CHSY3: variants seen among roughly 807,000 people sequenced by gnomAD.
CHSY3 encodes N-acetylgalactosaminyl-proteoglycan 3-beta-glucuronosyltransferase 3.
In CHSY3, 35 loss-of-function variants were observed where a neutral mutation model predicts 67.2. The observed-to-expected ratio is 0.52, with a 90% CI of 0.40 to 0.69. The LOEUF (loss-of-function observed/expected upper bound fraction) is 0.69. Ranked by LOEUF, CHSY3 falls within the 30% of genes least tolerant of loss-of-function variation. The pLI is 0.00. For synonymous variants in CHSY3, 474 were observed against 434.7 expected (o/e 1.09, Z -1.12); for missense variants, 1,069 against 1,138.5 (o/e 0.94, Z 0.88).
At chr5:130,013,183 C>A (rs1339615892) in intron 2 of CHSY3, among the ~76,000 whole-genome samples, 2 of 152,316 alleles carry the variant, frequency 1.3e-5, no homozygotes, top group South Asian at 4.1e-4. Context: ...AGACCTCCAC[C>A]TTTGTGGCTT....
intron 2 of CHSY3, among the ~76,000 whole-genome samples, chr5:130,051,833 A>T (rs1765366757): frequency 6.6e-6 from 1 of 152,070 alleles, no homozygotes; most frequent in South Asian, 2.1e-4. Context: ...TTAGAATTTG[A>T]GTTGCCAGAG....
chr5:129,939,667 CT>C (rs1191050395), intron 2 of CHSY3, among the ~76,000 whole-genome samples: 1 of 152,132 alleles, frequency 6.6e-6, no homozygotes, highest in African/African-American at 2.4e-5. Context: ...ATATAGTGAA[CT>C]TTATTTCAGT....
At chr5:130,143,734 G>GTATATATATATATATA (rs372062970) in intron 2 of CHSY3, among the ~76,000 whole-genome samples, 1 of 94,656 alleles carries the variant, frequency 1.1e-5, no homozygotes, top group Non-Finnish European at 2.0e-5. Flanking sequence ...GTGTGTGTGT[G>GTATATATATATATATA]TATATATATA....
intron 2 of CHSY3, among the ~76,000 whole-genome samples, chr5:129,975,397 T>A (rs1762777855): frequency 6.6e-6 from 1 of 152,134 alleles, no homozygotes; most frequent in Admixed American, 6.6e-5. Context: ...GACTTTCAAT[T>A]TCTGAAGGAA....
At position 129,905,252 on chromosome 5, in the gene CHSY3, G is replaced by C. The variant is rs1760218009; in HGVS notation, c.423G>C (p.Ala141=). Residue 141 remains alanine (A), a synonymous_variant, in exon 1 of 3, where the codon GCG becomes GCC. Coordinates refer to ENST00000305031, the MANE Select transcript of CHSY3 (RefSeq NM_175856.5). The stretch of plus-strand genomic sequence containing the variant: ...AGCCCGAGGAGGAGGACGGGGGCGC[G>C]GCTGGGCAGCGGAGAGACGGCCGGC... ...EGEPEEEDGG[A]AGQRRDGRPG... The C allele has an allele frequency of 6.9e-7, 1 of 1,458,004 alleles. No homozygotes were observed. 90.3% of individuals were successfully genotyped at this position (1,458,004 alleles called of 1,614,324 possible). A position where few individuals can be genotyped will look rare whatever the true frequency, so the allele number is the denominator to read the frequency against.
At chr5:130,157,945 C>G (rs981259438) in intron 2 of CHSY3, among the ~76,000 whole-genome samples, 1 of 152,090 alleles carries the variant, frequency 6.6e-6, no homozygotes, top group Non-Finnish European at 1.5e-5. Flanking sequence ...CTATAAATTG[C>G]CATGGCATCT....
intron 2 of CHSY3, among the ~76,000 whole-genome samples, chr5:130,047,254 C>T (rs1765181064): frequency 6.6e-6 from 1 of 151,924 alleles, no homozygotes; most frequent in Non-Finnish European, 1.5e-5. Context: ...CTCAGCTCAC[C>T]TTTTATCTGA....
chr5:129,945,696 TTCTCAC>T (rs1761832550), intron 2 of CHSY3, among the ~76,000 whole-genome samples: 1 of 152,144 alleles, frequency 6.6e-6, no homozygotes, highest in Non-Finnish European at 1.5e-5. Flanking sequence ...AATTGAGGAT[TTCTCAC>T]TTATTTTTTA....
chr5:130,014,402 C>T (rs1054431976), intron 2 of CHSY3, among the ~76,000 whole-genome samples: 4 of 152,194 alleles, frequency 2.6e-5, no homozygotes, highest in African/African-American at 9.7e-5. Flanking sequence ...AATTGACTCA[C>T]AGTTTCACAT....
chr5:129,977,351 A>T (rs1580605224), intron 2 of CHSY3, among the ~76,000 whole-genome samples: 5 of 152,334 alleles, frequency 3.3e-5, no homozygotes, highest in Admixed American at 3.3e-4. Flanking sequence ...TTTAAGAACA[A>T]TGCTTTATTT....
At chr5:129,910,813 C>A (rs1760512939) in intron 2 of CHSY3, among the ~76,000 whole-genome samples, 1 of 151,864 alleles carries the variant, frequency 6.6e-6, no homozygotes, top group African/African-American at 2.4e-5. Context: ...CTATTCTACT[C>A]CAGGTTGGCA....
At chr5:130,159,032 G>A (rs1186557062) in intron 2 of CHSY3, among the ~76,000 whole-genome samples, 2 of 152,010 alleles carry the variant, frequency 1.3e-5, no homozygotes, top group Admixed American at 6.6e-5. Flanking sequence ...ACTGCTGAGT[G>A]CAAGCGATCT....
At chr5:130,099,092 A>T (rs1767144719) in intron 2 of CHSY3, among the ~76,000 whole-genome samples, 1 of 152,250 alleles carries the variant, frequency 6.6e-6, no homozygotes, top group South Asian at 2.1e-4. Flanking sequence ...TGGTAAATCA[A>T]CACATTTATT....
At chr5:129,973,103 G>A (rs1252735499) in intron 2 of CHSY3, among the ~76,000 whole-genome samples, 1 of 151,802 alleles carries the variant, frequency 6.6e-6, no homozygotes, top group Non-Finnish European at 1.5e-5. Context: ...TTGCTTTTTT[G>A]TGAGTTATCT....
At chr5:129,989,691 T>A (rs892345194) in intron 2 of CHSY3, among the ~76,000 whole-genome samples, 6 of 152,204 alleles carry the variant, frequency 3.9e-5, no homozygotes, top group Admixed American at 6.5e-5. Flanking sequence ...AACTCTGCCA[T>A]CTGCTAACTT....
intron 2 of CHSY3, among the ~76,000 whole-genome samples, chr5:129,927,095 G>C (rs548205690): frequency 5.9e-5 from 9 of 151,808 alleles, no homozygotes; most frequent in African/African-American, 2.2e-4. Flanking sequence ...CCTGATTTAC[G>C]TAAATTTTAG....
intron 2 of CHSY3, among the ~76,000 whole-genome samples, chr5:130,177,176 C>CAT (rs1378846479): frequency 1.7e-5 from 2 of 115,970 alleles, no homozygotes; most frequent in Non-Finnish European, 3.6e-5. Context: ...ATTTTTCATA[C>CAT]ATATATATAT....
At chr5:129,950,451 G>A (rs188777242) in intron 2 of CHSY3, among the ~76,000 whole-genome samples, 6 of 152,150 alleles carry the variant, frequency 3.9e-5, no homozygotes, top group East Asian at 1.9e-4. Flanking sequence ...GAAAGAAAAG[G>A]CATCTAAATA....
At chr5:129,927,295 T>C (rs1242729306) in intron 2 of CHSY3, among the ~76,000 whole-genome samples, 1 of 151,972 alleles carries the variant, frequency 6.6e-6, no homozygotes, top group African/African-American at 2.4e-5. Flanking sequence ...ACCACATTGC[T>C]CTGGAATTCT....
Sources: gnomAD v4.1 joint callset for allele counts (sites outside exome capture counted in the v4.1 genomes callset) on GRCh38, gnomAD v4.1.1 for gene constraint, MANE v1.5 for transcripts, NCBI Gene and HGNC (gene_info 2026-07-23, HGNC 2026-07-21) for gene names.